The following CAB39 variants were observed in gnomAD, a reference collection of about 807,000 sequenced individuals.
The protein encoded by CAB39 is calcium-binding protein 39.
Under a neutral mutation model 40.0 loss-of-function variants are expected in CAB39, and 8 were observed. The observed-to-expected ratio is 0.20, with a 90% CI of 0.12 to 0.36. The LOEUF (loss-of-function observed/expected upper bound fraction) is 0.36, where lower values mean the gene tolerates loss of function less well. Among genes scored for constraint, CAB39 ranks in the 10% least tolerant of loss-of-function variants. The pLI, the probability that CAB39 is intolerant of heterozygous loss-of-function variation, is 1.00. For synonymous variants in CAB39, 156 were observed against 141.6 expected, an observed-to-expected ratio of 1.10 and a Z score of -0.72; for missense variants, 270 against 401.1, an observed-to-expected ratio of 0.67 and a Z score of 2.79.
intron 7 of CAB39, 48 bp downstream of exon 7, chr2:230,814,162 G>A (rs778098572): frequency 1.1e-6 from 1 of 913,170 alleles, no homozygotes; most frequent in East Asian, 2.6e-5. Context: ...CCTTGTGTTT[G>A]AAATGTGGAT....
intron 5 of CAB39, among the ~76,000 whole-genome samples, chr2:230,804,115 C>G (rs931770640): frequency 6.6e-6 from 1 of 152,302 alleles, no homozygotes; most frequent in East Asian, 1.9e-4. Context: ...ACCATCTGAT[C>G]TTTGACAAAC....
intron 1 of CAB39, among the ~76,000 whole-genome samples, chr2:230,727,394 GTGTGT>G (rs767308620): frequency 2.1e-5 from 3 of 144,544 alleles, no homozygotes; most frequent in Non-Finnish European, 4.6e-5. Flanking sequence ...GTGTGTGTGT[GTGTGT>G]ATTTTTTTTT....
chr2:230,728,117 T>C (rs1050371067), intron 1 of CAB39, among the ~76,000 whole-genome samples: 1 of 152,134 alleles, frequency 6.6e-6, no homozygotes, highest in Non-Finnish European at 1.5e-5. Context: ...CGCACGCCTG[T>C]AGTCCCAGCT....
chr2:230,727,323 T>G (rs1694598273), intron 1 of CAB39, among the ~76,000 whole-genome samples: 2 of 151,258 alleles, frequency 1.3e-5, no homozygotes, highest in Non-Finnish European at 1.5e-5. Flanking sequence ...TTTAAATAAG[T>G]ATGTATTTAA....
chr2:230,748,306 G>C (rs1298247087), intron 1 of CAB39, among the ~76,000 whole-genome samples: 1 of 152,068 alleles, frequency 6.6e-6, no homozygotes, highest in African/African-American at 2.4e-5. Flanking sequence ...TGGGTGGGGT[G>C]GGCAAGGGAG....
rs577448765 is a variant in CAB39, at chr2:230,777,353, G to GT, written c.115-13511dup. Among the ~76,000 whole-genome samples the GT allele has an allele frequency of 1.4e-4, 18 of 127,292 alleles. No homozygotes were observed. The South Asian group carries it at 3.2e-3, about 22-fold the overall frequency. The allele number at this position is 127,292 out of a possible 152,430, so 83.5% of individuals were successfully genotyped here. A position where few individuals can be genotyped will look rare whatever the true frequency, so the allele number is the denominator to read the frequency against. ...TCATGCTGCTCTGTAACCTGTTGGTGTTTTTTTTGTTTTTTTTTTTTTAAT... is the reference window on the plus strand; with the variant it reads ...TCATGCTGCTCTGTAACCTGTTGGTGTTTTTTTTTGTTTTTTTTTTTTTAAT... On this transcript the variant is annotated intron_variant, in intron 2 of 8. Coordinates refer to ENST00000258418, the MANE Select transcript of CAB39 (RefSeq NM_016289.4).
chr2:230,791,361 C>T (rs1049978576), intron 3 of CAB39, among the ~76,000 whole-genome samples: 1 of 152,290 alleles, frequency 6.6e-6, no homozygotes, highest in Admixed American at 6.5e-5. Context: ...TTCACTGGCC[C>T]TTGACTTTCA....
chr2:230,818,508 C>G lies in CAB39; in HGVS notation c.838-8C>G. 1 of 1,611,822 alleles carries G rather than the reference C, an allele frequency of 6.2e-7. No individual in the cohort carries two copies. The highest frequency in any genetic ancestry group is 8.5e-7 in the Non-Finnish European group (1 of 1,178,608). On this transcript the variant is annotated splice_polypyrimidine_tract_variant and splice_region_variant and intron_variant, in intron 8 of 8. Transcript: ENST00000258418. The stretch of plus-strand genomic sequence containing the variant: ...CTCTGTGCCTCATGTGCGTTTCTCT[C>G]CACGCAGGTGTTTGTAGCCAATCCT...
In CAB39 at chr2:230,798,821, A is replaced by G. The variant is rs747161923; in HGVS notation, c.491A>G (p.Glu164Gly). ...CTTGCAAAAATCATTTTGTGGTCGG[A>G]ACAGTTTTATGATTTCTTCAGATAT... ...EPLAKIILWSEQFYDFFRYVE... is the reference protein window; with the variant it reads ...EPLAKIILWSGQFYDFFRYVE... The change falls in exon 5 of 9, where the codon GAA becomes GGA. Residue 164 changes from glutamate to glycine, a missense_variant. Transcript: ENST00000258418. 9.3e-6 allele frequency: 15 copies of G among 1,611,176 alleles called. No individual in the cohort carries two copies. In the South Asian group the frequency reaches 1.7e-4, roughly 18 times the overall value.
chr2:230,748,439 A>T (rs1476335747), intron 1 of CAB39, among the ~76,000 whole-genome samples: 1 of 152,054 alleles, frequency 6.6e-6, no homozygotes, highest in Non-Finnish European at 1.5e-5. Flanking sequence ...TCCTCTATGA[A>T]ATTCCCCATC....
intron 2 of CAB39, among the ~76,000 whole-genome samples, chr2:230,787,594 A>G (rs781739288): frequency 1.3e-5 from 2 of 152,216 alleles, no homozygotes; most frequent in Non-Finnish European, 2.9e-5. Flanking sequence ...CATTTTGTTC[A>G]CTGTAAGCTC....
chr2:230,798,623 A>G (rs753970425), intron 4 of CAB39, 106 bp from the exon 5 acceptor site: 25 of 847,046 alleles, frequency 3.0e-5, no homozygotes, highest in Non-Finnish European at 4.0e-5. Flanking sequence ...TAGTTAGGAT[A>G]CATGTCTGAA....
At chr2:230,815,972 A>G (rs1199669855) in intron 7 of CAB39, among the ~76,000 whole-genome samples, 1 of 152,246 alleles carries the variant, frequency 6.6e-6, no homozygotes, top group Non-Finnish European at 1.5e-5. Flanking sequence ...CAAGTTTTTT[A>G]GTAAAGTATT....
At chr2:230,784,849 CAG>C (rs1695760737) in intron 2 of CAB39, among the ~76,000 whole-genome samples, 1 of 152,214 alleles carries the variant, frequency 6.6e-6, no homozygotes, top group Non-Finnish European at 1.5e-5. Context: ...ACAAAGGAGA[CAG>C]AGTTATTTAT....
chr2:230,818,929 G>C lies in CAB39; in HGVS notation c.*225G>C. On this transcript the variant is annotated 3_prime_UTR_variant, in exon 9 of 9. Coordinates refer to ENST00000258418, the MANE Select transcript of CAB39 (RefSeq NM_016289.4). Reference sequence around the variant, plus strand: ...TTCTCTTGATCTTTGTGTCATTTCAGAATTCAAAGACTGTGCTACGGGAGT... The same window carrying C: ...TTCTCTTGATCTTTGTGTCATTTCACAATTCAAAGACTGTGCTACGGGAGT... 1 of 448,240 alleles carries C rather than the reference G, an allele frequency of 2.2e-6. No individual in the cohort carries two copies. Among genetic ancestry groups the C allele is most frequent in the Non-Finnish European group, 4.1e-6 (1 of 244,514 alleles). 27.8% of individuals were successfully genotyped at this position (448,240 alleles called of 1,614,324 possible).
At chr2:230,804,800 G>A (rs1161931327) in intron 5 of CAB39, among the ~76,000 whole-genome samples, 2 of 152,172 alleles carry the variant, frequency 1.3e-5, no homozygotes, top group Non-Finnish European at 2.9e-5. Flanking sequence ...CTGTTGGTGG[G>A]CGTGTAAACT....
rs1696447210 is a variant in CAB39 at position 230,818,624 on chromosome 2, G to A, written c.946G>A (p.Asp316Asn). The A allele has an allele frequency of 6.2e-7, 1 of 1,614,094 alleles. No homozygotes were observed. The highest frequency in any genetic ancestry group is 1.7e-5 in the Admixed American group (1 of 60,010). Reference sequence around the variant, plus strand: ...CAAGTTTCAGAACGACAGGACGGAGGATGAGCAGTTTAACGACGAGAAGAC... The same window carrying A: ...CAAGTTTCAGAACGACAGGACGGAGAATGAGCAGTTTAACGACGAGAAGAC... ...LSKFQNDRTE[D>N]EQFNDEKTYL... Residue 316 changes from aspartate to asparagine, a missense_variant, in exon 9 of 9, where the codon GAT becomes AAT. By Grantham distance (23) the Asp-to-Asn change is conservative. Coordinates refer to ENST00000258418, the MANE Select transcript of CAB39 (RefSeq NM_016289.4).
At chr2:230,805,743 TAA>T (rs1211021124) in intron 5 of CAB39, among the ~76,000 whole-genome samples, 1 of 152,224 alleles carries the variant, frequency 6.6e-6, no homozygotes, top group Non-Finnish European at 1.5e-5. Flanking sequence ...ATGGAAACAG[TAA>T]AACTGAGCTA....
chr2:230,769,843 C>T (rs1174138836), intron 2 of CAB39, among the ~76,000 whole-genome samples: 3 of 150,116 alleles, frequency 2.0e-5, no homozygotes, highest in East Asian at 1.9e-4. Context: ...AAAAAAGGGC[C>T]GGGACTCGGG....
Sources: gnomAD v4.1 joint callset for allele counts (sites outside exome capture counted in the v4.1 genomes callset) on GRCh38, gnomAD v4.1.1 for gene constraint, MANE v1.5 for transcripts, NCBI Gene and HGNC (gene_info 2026-07-23, HGNC 2026-07-21) for gene names.